PAQR5: variants seen among roughly 807,000 people sequenced by gnomAD.
The protein encoded by PAQR5 is membrane progestin receptor gamma.
In PAQR5, 20 loss-of-function variants were observed where a neutral mutation model predicts 34.5. That is an observed-to-expected ratio of 0.58 (90% CI 0.41 to 0.84). The LOEUF (loss-of-function observed/expected upper bound fraction) is 0.84. Ranked by LOEUF, PAQR5 falls within the 40% of genes least tolerant of loss-of-function variation. The pLI is 0.00. For missense variants in PAQR5, 378 were observed against 412.7 expected (o/e 0.92, Z 0.73); for synonymous variants, 131 against 155.6 (o/e 0.84, Z 1.18).
rs1566998148 is a variant in PAQR5, at chr15:69,322,805, G to GAAGAAGAAGAAGAAGAAGAA, written c.-276-14536_-276-14535insAAGAAGAAGAAGAAGAAGAA. ...AAGAAGACGAGGAAGAAGAAGAAGAGGAAGAGGAAGAAGAAGAAGAAGAAG... is the reference window on the plus strand; with the variant it reads ...AAGAAGACGAGGAAGAAGAAGAAGAGAAGAAGAAGAAGAAGAAGAAGAAGAGGAAGAAGAAGAAGAAGAAG... On this transcript the variant is annotated intron_variant, in intron 1 of 8. Transcript: ENST00000395407. Among the ~76,000 whole-genome samples the GAAGAAGAAGAAGAAGAAGAA allele has an allele frequency of 1.4e-4, 3 of 20,998 alleles. 1 individual carries two copies. Among genetic ancestry groups the GAAGAAGAAGAAGAAGAAGAA allele is most frequent in the Non-Finnish European group, 1.9e-4 (2 of 10,292 alleles). The allele number at this position is 20,998 out of a possible 152,430, so 13.8% of individuals were successfully genotyped here. A position where few individuals can be genotyped will look rare whatever the true frequency, so the allele number is the denominator to read the frequency against.
rs142489466 is a variant in PAQR5, at chr15:69,360,562, C to T, written c.51+431C>T. Among the ~76,000 whole-genome samples the T allele has an allele frequency of 3.1e-3, 473 of 152,246 alleles. 2 individuals carry two copies. Among genetic ancestry groups the T allele is most frequent in the Admixed American group, 6.8e-3 (104 of 15,290 alleles). ...TGCCCAGGCCAGGCCTTCACTGGGGCGATGGGGAGGGTTGTTGAATGAGCC... is the reference window on the plus strand; with the variant it reads ...TGCCCAGGCCAGGCCTTCACTGGGGTGATGGGGAGGGTTGTTGAATGAGCC... On this transcript the variant is annotated intron_variant, in intron 3 of 8. Transcript: ENST00000395407.
At chr15:69,352,195 C>T (rs28845245) in intron 2 of PAQR5, among the ~76,000 whole-genome samples, 12,284 of 152,182 alleles carry the variant, frequency 0.081, 1,195 homozygotes, top group African/African-American at 0.23. Flanking sequence ...TGGAGCAAGG[C>T]CTTGCCGTCA....
At chr15:69,378,716 A>G (rs2055792821) in intron 3 of PAQR5, among the ~76,000 whole-genome samples, 1 of 152,164 alleles carries the variant, frequency 6.6e-6, no homozygotes, top group Non-Finnish European at 1.5e-5. Context: ...TTTACGTTTC[A>G]AAGGGTATGG....
intron 8 of PAQR5, among the ~76,000 whole-genome samples, chr15:69,401,924 G>A (rs1016097512): frequency 2.6e-5 from 4 of 152,134 alleles, no homozygotes; most frequent in African/African-American, 9.7e-5. Context: ...CTAGAGATGG[G>A]ATCTCACTGT....
chr15:69,310,441 A>G (rs1335104009), intron 1 of PAQR5, among the ~76,000 whole-genome samples: 1 of 152,230 alleles, frequency 6.6e-6, no homozygotes, highest in Non-Finnish European at 1.5e-5. Context: ...GCCAATCTGG[A>G]AGACAAAAAA....
Position 69,406,328 on chromosome 15 carries a change from G to A in PAQR5, c.*2506G>A, listed in dbSNP as rs1235824460. The A allele has an allele frequency of 1.3e-5, 2 of 152,160 alleles. No homozygotes were observed. The highest frequency in any genetic ancestry group is 2.4e-5 in the African/African-American group (1 of 41,432). The allele number at this position is 152,160 out of a possible 1,614,324, so 9.4% of individuals were successfully genotyped here. On this transcript the variant is annotated 3_prime_UTR_variant, in exon 9 of 9. Coordinates refer to ENST00000395407, the MANE Select transcript of PAQR5 (RefSeq NM_017705.4). ...GTGATAAAACTTGAATGTGTATGAT[G>A]AATAAGGCCATTCAGTTAACTTTAC...
intron 4 of PAQR5, among the ~76,000 whole-genome samples, chr15:69,381,051 G>C (rs2055871744): frequency 6.6e-6 from 1 of 152,210 alleles, no homozygotes; most frequent in South Asian, 2.1e-4. Context: ...AGCTCAGTCT[G>C]GTGTGGACTA....
At chr15:69,355,522 G>C (rs1356582811) in intron 2 of PAQR5, among the ~76,000 whole-genome samples, 3 of 151,430 alleles carry the variant, frequency 2.0e-5, no homozygotes, top group Non-Finnish European at 4.4e-5. Context: ...CCAGGTTCAA[G>C]AGAGTCCCCT....
intron 6 of PAQR5, among the ~76,000 whole-genome samples, chr15:69,393,006 T>C (rs919904166): frequency 6.6e-6 from 1 of 151,252 alleles, no homozygotes; most frequent in African/African-American, 2.4e-5. Flanking sequence ...GAGAATCTCT[T>C]AGGGAAAAAA....
chr15:69,308,243 C>T (rs1451473647), intron 1 of PAQR5, among the ~76,000 whole-genome samples: 2 of 152,094 alleles, frequency 1.3e-5, no homozygotes, highest in South Asian at 4.1e-4. Flanking sequence ...GGTTTGGGCA[C>T]TGTGGGTAGA....
At chr15:69,366,002 G>T (rs180702286) in intron 3 of PAQR5, among the ~76,000 whole-genome samples, 1 of 152,306 alleles carries the variant, frequency 6.6e-6, no homozygotes, top group African/African-American at 2.4e-5. Context: ...GTACAATTCA[G>T]TGTTTTAGTT....
intron 2 of PAQR5, among the ~76,000 whole-genome samples, chr15:69,341,927 C>CAAA (rs71149907): frequency 1.9e-4 from 25 of 135,016 alleles, no homozygotes; most frequent in Non-Finnish European, 2.0e-4. Context: ...GACCCTGTCT[C>CAAA]AAAAAAAAAA....
intron 4 of PAQR5, among the ~76,000 whole-genome samples, chr15:69,384,065 C>T (rs1213368282): frequency 1.1e-5 from 1 of 87,524 alleles, no homozygotes; most frequent in Admixed American, 1.4e-4. Flanking sequence ...GGCCTCTGTG[C>T]TCATGGTGGA....
At chr15:69,355,502 C>T (rs2055054263) in intron 2 of PAQR5, among the ~76,000 whole-genome samples, 1 of 147,726 alleles carries the variant, frequency 6.8e-6, no homozygotes, top group African/African-American at 2.5e-5. Flanking sequence ...CTCACTGCAA[C>T]CTCTGTCTCC....
At chr15:69,377,568 T>G (rs1321329174) in intron 3 of PAQR5, among the ~76,000 whole-genome samples, 1 of 152,232 alleles carries the variant, frequency 6.6e-6, no homozygotes, top group Non-Finnish European at 1.5e-5. Context: ...CTCCCTCTAG[T>G]TGAGCAGTTC....
At chr15:69,310,073 G>A (rs1398825269) in intron 1 of PAQR5, among the ~76,000 whole-genome samples, 8 of 151,274 alleles carry the variant, frequency 5.3e-5, no homozygotes, top group Admixed American at 1.3e-4. Context: ...AAAACAAAAC[G>A]AAACAACAAC....
intron 2 of PAQR5, among the ~76,000 whole-genome samples, chr15:69,355,630 A>T (rs2055058426): frequency 6.6e-6 from 1 of 151,968 alleles, no homozygotes; most frequent in Non-Finnish European, 1.5e-5. Flanking sequence ...CATGTTGGTC[A>T]GGCTGGTCTC....
chr15:69,306,678 C>T (rs1006033979), intron 1 of PAQR5, among the ~76,000 whole-genome samples: 1 of 152,138 alleles, frequency 6.6e-6, no homozygotes, highest in African/African-American at 2.4e-5. Flanking sequence ...GCTGGGATTA[C>T]AGGTGTGAGC....
chr15:69,392,810 A>G (rs886202820), intron 6 of PAQR5, among the ~76,000 whole-genome samples: 23 of 151,866 alleles, frequency 1.5e-4, no homozygotes, highest in Admixed American at 1.5e-3. Context: ...AGAGGAGGAC[A>G]TAGCAACCAG....
Sources: gnomAD v4.1 joint callset for allele counts (sites outside exome capture counted in the v4.1 genomes callset) on GRCh38, gnomAD v4.1.1 for gene constraint, MANE v1.5 for transcripts, NCBI Gene and HGNC (gene_info 2026-07-23, HGNC 2026-07-21) for gene names.